ETFA: variants seen among roughly 807,000 people sequenced by gnomAD.
ETFA encodes the protein electron transfer flavoprotein subunit alpha.
In ETFA, 22 loss-of-function variants were observed where a neutral mutation model predicts 46.2. The observed-to-expected ratio is 0.48, with a 90% CI of 0.34 to 0.68. The LOEUF (loss-of-function observed/expected upper bound fraction) is 0.68. Ranked by LOEUF, ETFA falls within the 30% of genes least tolerant of loss-of-function variation. The pLI is 0.01. For missense variants in ETFA, 345 were observed against 401.1 expected (o/e 0.86, Z 1.19); for synonymous variants, 131 against 139.9 (o/e 0.94, Z 0.45).
At chr15:76,261,165 C>T (rs2039408003) in intron 9 of ETFA, 1 of 1,533,334 alleles carries the variant, frequency 6.5e-7, no homozygotes, top group Admixed American at 1.7e-5. Context: ...GAGCAGGTCC[C>T]CCGATCTTCG....
At chr15:76,305,859 G>GTTT (rs145324866) in intron 1 of ETFA, among the ~76,000 whole-genome samples, 39,254 of 145,984 alleles carry the variant, frequency 0.27, 5,792 homozygotes, top group East Asian at 0.56. Context: ...AACCTCAATA[G>GTTT]TTGTTTTTTT....
At position 76,295,653 on chromosome 15, in the gene ETFA, T is replaced by G; in HGVS notation, c.124A>C (p.Thr42Pro). The change falls in exon 2 of 12, where the codon ACT (threonine) becomes CCT (proline). Residue 42 changes from threonine to proline, a missense_variant. By Grantham distance (38) the Thr-to-Pro change is conservative (BLOSUM62 -1). Coordinates refer to ENST00000557943, the MANE Select transcript of ETFA (RefSeq NM_000126.4). ...SLAPITLNTI[T>P]AATRLGGEVS... Reference sequence around the variant, plus strand: ...TCACCTCCAAGGCGTGTGGCTGCAGTAATGGTATTTAAAGTAATGGGTGCT... The same window carrying G: ...TCACCTCCAAGGCGTGTGGCTGCAGGAATGGTATTTAAAGTAATGGGTGCT... 1 of 1,613,516 alleles carries G rather than the reference T, an allele frequency of 6.2e-7. No individual in the cohort carries two copies. The highest frequency in any genetic ancestry group is 2.2e-5 in the East Asian group (1 of 44,864).
intron 10 of ETFA, among the ~76,000 whole-genome samples, chr15:76,229,865 T>C (rs78528554): frequency 0.012 from 1,798 of 152,322 alleles, 40 homozygotes; most frequent in African/African-American, 0.042. Context: ...TCTGACTTCA[T>C]GAAAGGTAAG....
intron 9 of ETFA, among the ~76,000 whole-genome samples, chr15:76,239,926 C>T (rs935699097): frequency 6.6e-6 from 1 of 152,146 alleles, no homozygotes; most frequent in Admixed American, 6.6e-5. Flanking sequence ...ATTTATTGCT[C>T]TATCAACCAC....
intron 10 of ETFA, 88 bp downstream of exon 10, chr15:76,231,245 T>C: frequency 1.2e-6 from 1 of 829,798 alleles, no homozygotes; most frequent in Non-Finnish European, 2.1e-6. Flanking sequence ...CTTGACTACA[T>C]GCATTGTAAC....
In ETFA at chr15:76,311,425, G is replaced by A. The variant is rs1188073859; in HGVS notation, c.-37C>T. 9.0e-6 allele frequency: 14 copies of A among 1,547,808 alleles called. No homozygotes were observed. The highest frequency in any genetic ancestry group is 4.9e-5 in the East Asian group (2 of 41,202). On this transcript the variant is annotated 5_prime_UTR_variant, in exon 1 of 12. Coordinates refer to ENST00000557943, the MANE Select transcript of ETFA (RefSeq NM_000126.4). ...CCGCCGCAACCTCGGCCTTACAGCA[G>A]CCCCGTGCCCGGCCAACTGGCGCCG...
chr15:76,249,254 A>T (rs2039272839), intron 9 of ETFA, among the ~76,000 whole-genome samples: 1 of 149,890 alleles, frequency 6.7e-6, no homozygotes, highest in Non-Finnish European at 1.5e-5. Context: ...TTAGCCTCCC[A>T]AGTAACTAGG....
chr15:76,253,714 G>A (rs1420019433), intron 9 of ETFA, among the ~76,000 whole-genome samples: 2 of 152,140 alleles, frequency 1.3e-5, no homozygotes, highest in East Asian at 1.9e-4. Context: ...AGTGGGGGAG[G>A]GGAGAGATTT....
chr15:76,252,645 C>G (rs185407090), intron 9 of ETFA, among the ~76,000 whole-genome samples: 1 of 152,276 alleles, frequency 6.6e-6, no homozygotes, highest in Admixed American at 6.5e-5. Context: ...AAACGCAATA[C>G]TTGGCCCTAA....
chr15:76,217,763 C>T lies in ETFA; in HGVS notation c.964-1166G>A, dbSNP rs983366549. ...ATTACCCAGTCTTCCAAGGGGCTTTCGGCTGCCTTAGCTCACAAAGATTCC... is the reference window on the plus strand; with the variant it reads ...ATTACCCAGTCTTCCAAGGGGCTTTTGGCTGCCTTAGCTCACAAAGATTCC... On this transcript the variant is annotated intron_variant, in intron 11 of 11. Transcript: ENST00000557943. The T allele has an allele frequency of 2.8e-5, 10 of 356,184 alleles. 1 individual carries two copies. The highest frequency in any genetic ancestry group is 1.9e-4 in the Admixed American group (6 of 32,148). 22.1% of individuals were successfully genotyped at this position (356,184 alleles called of 1,614,324 possible). A position where few individuals can be genotyped will look rare whatever the true frequency, so the allele number is the denominator to read the frequency against.
intron 9 of ETFA, among the ~76,000 whole-genome samples, chr15:76,243,270 C>CAA (rs139381703): frequency 6.3e-4 from 88 of 139,446 alleles, no homozygotes; most frequent in Admixed American, 1.2e-3. Flanking sequence ...GACTCCATCT[C>CAA]AAAAAAAAAA....
intron 4 of ETFA, among the ~76,000 whole-genome samples, chr15:76,291,040 A>C (rs1345714553): frequency 2.6e-5 from 4 of 152,130 alleles, no homozygotes; most frequent in South Asian, 2.1e-4. Flanking sequence ...ACATAGGGAG[A>C]CTACATCGAT....
intron 11 of ETFA, among the ~76,000 whole-genome samples, chr15:76,224,809 G>A (rs756656405): frequency 2.3e-4 from 35 of 152,164 alleles, no homozygotes; most frequent in Non-Finnish European, 3.7e-4. Flanking sequence ...ACCTAGAAAC[G>A]TGTAGGCAGA....
intron 11 of ETFA, 62 bp downstream of exon 11, chr15:76,225,787 A>G (rs1567195808): frequency 9.7e-7 from 1 of 1,032,940 alleles, no homozygotes; most frequent in Non-Finnish European, 1.5e-6. Context: ...ATCCCTAACC[A>G]TTTCTGAGAG....
Position 76,295,696 on chromosome 15 carries a change from C to T in ETFA, c.81G>A (p.Glu27=), listed in dbSNP as rs772068605. The change falls in exon 2 of 12, where the codon GAG becomes GAA. Residue 27 remains glutamate, a synonymous_variant. Transcript: ENST00000557943. ...LRFQSTLVIA[E]HANDSLAPIT... is the part of the protein sequence containing the mutation. ...TGGGTGCTAGGGAATCATTTGCATG[C>T]TCAGCTATTACCAGGGTACTCTGAA... The T allele has an allele frequency of 1.9e-6, 3 of 1,612,310 alleles. No individual in the cohort carries two copies. The highest frequency in any genetic ancestry group is 1.7e-5 in the Admixed American group (1 of 59,842).
rs549977875 is a variant in ETFA at position 76,222,244 on chromosome 15, T to A, written c.963+3605A>T. Among the ~76,000 whole-genome samples the A allele has an allele frequency of 2.0e-5, 3 of 147,058 alleles. No individual in the cohort carries two copies. In the South Asian group the frequency reaches 6.4e-4, roughly 32 times the overall value. ...TTATAATTTTAAAATATAATTACAA[T>A]ACATAAAATACAAAAAATAAAAATA... On this transcript the variant is annotated intron_variant, in intron 11 of 11. Coordinates refer to ENST00000557943, the MANE Select transcript of ETFA (RefSeq NM_000126.4).
chr15:76,294,385 A>C (rs2039797996), intron 2 of ETFA, among the ~76,000 whole-genome samples: 1 of 152,208 alleles, frequency 6.6e-6, no homozygotes, highest in South Asian at 2.1e-4. Context: ...GGCTGTATCA[A>C]CTATGTAAGA....
intron 9 of ETFA, among the ~76,000 whole-genome samples, chr15:76,236,747 G>A (rs1236540818): frequency 6.6e-6 from 1 of 152,112 alleles, no homozygotes; most frequent in Non-Finnish European, 1.5e-5. Context: ...AATTTCAGGT[G>A]GTGTGGCCCA....
intron 1 of ETFA, chr15:76,310,067 A>C (rs2469575): frequency 1.2e-5 from 1 of 83,734 alleles, no homozygotes; most frequent in South Asian, 3.1e-4. Flanking sequence ...CCCCGTCTCT[A>C]CAAAAAAAAA....
Sources: allele counts gnomAD v4.1 joint callset (sites outside exome capture counted in the v4.1 genomes callset), GRCh38; gene constraint gnomAD v4.1.1; transcripts MANE v1.5; gene names NCBI Gene and HGNC (gene_info 2026-07-23, HGNC 2026-07-21).